HSPA6: variants seen among roughly 807,000 people sequenced by gnomAD.
The protein encoded by HSPA6 is heat shock 70 kDa protein 6.
For synonymous variants in HSPA6, 312 were observed against 368.2 expected (o/e 0.85, Z 1.75); for missense variants, 718 against 860.9 (o/e 0.83, Z 2.08).
In HSPA6 at chr1:161,526,124, G is replaced by C; in HGVS notation, c.1466G>C (p.Ser489Thr). 6.2e-7 allele frequency: 1 copy of C among 1,613,732 alleles called. No individual in the cohort carries two copies. Among genetic ancestry groups the C allele is most frequent in the Non-Finnish European group, 8.5e-7 (1 of 1,179,816 alleles). The change falls in exon 1 of 1, where the codon AGC becomes ACC. Residue 489 changes from serine (S) to threonine (T), a missense_variant. Transcript: ENST00000309758. ...TFDIDANGIL[S>T]VTATDRSTGK... ...GACATTGATGCTAATGGCATCCTGA[G>C]CGTGACAGCCACTGACAGGAGCACA...
Position 161,524,911 on chromosome 1 carries a change from G to A in HSPA6, c.253G>A (p.Val85Met). The part of the protein sequence containing the change: ...LIGRKFADTT[V>M]QSDMKHWPFR... ...CGGGCGCAAGTTCGCGGACACCACG[G>A]TGCAGTCGGACATGAAGCACTGGCC... Residue 85 changes from valine to methionine, a missense_variant, in exon 1 of 1, where the codon GTG (valine) becomes ATG (methionine). By Grantham distance (21) the Val-to-Met change is conservative. Transcript: ENST00000309758. 6.2e-7 allele frequency: 1 copy of A among 1,613,472 alleles called. No homozygotes were observed. The highest frequency in any genetic ancestry group is 1.1e-5 in the South Asian group (1 of 91,040).
Position 161,526,835 on chromosome 1 carries a change from G to C in HSPA6, c.*245G>C, listed in dbSNP as rs966347992. 7 of 414,974 alleles carry C rather than the reference G, an allele frequency of 1.7e-5. No individual in the cohort carries two copies. Among genetic ancestry groups the C allele is most frequent in the African/African-American group, 1.4e-4 (7 of 48,746 alleles). The allele number at this position is 414,974 out of a possible 1,614,324, so 25.7% of individuals were successfully genotyped here. A position where few individuals can be genotyped will look rare whatever the true frequency, so the allele number is the denominator to read the frequency against. On this transcript the variant is annotated 3_prime_UTR_variant, in exon 1 of 1. Transcript: ENST00000309758. ...TTAACATTGCTTTCACCTATATTTT[G>C]TGTACTTTGTTACTTGCATGTATGA...
Position 161,525,168 on chromosome 1 carries a change from C to T in HSPA6, c.510C>T (p.Asn170=). Residue 170 remains asparagine, a synonymous_variant, in exon 1 of 1, where the codon AAC becomes AAT. Coordinates refer to ENST00000309758, the MANE Select transcript of HSPA6 (RefSeq NM_002155.5). ...TKDAGAIAGL[N]VLRIINEPTA... is the part of the protein sequence containing the mutation. ...ACGCGGGGGCCATCGCGGGGCTCAA[C>T]GTGTTGCGGATCATCAATGAGCCCA... 2.5e-6 allele frequency: 4 copies of T among 1,613,564 alleles called. No homozygotes were observed. The highest frequency in any genetic ancestry group is 2.5e-6 in the Non-Finnish European group (3 of 1,179,640).
At position 161,526,396 on chromosome 1, in the gene HSPA6, C is replaced by G. The variant is rs774179752; in HGVS notation, c.1738C>G (p.Leu580Val). Residue 580 changes from leucine (L) to valine (V), a missense_variant, in exon 1 of 1, where the codon CTT becomes GTT. Transcript: ENST00000309758. ...RKMQDKCREV[L>V]AWLEHNQLAE... ...AATGCAAGACAAGTGTCGGGAAGTCCTTGCCTGGCTGGAGCACAACCAGCT... is the reference window on the plus strand; with the variant it reads ...AATGCAAGACAAGTGTCGGGAAGTCGTTGCCTGGCTGGAGCACAACCAGCT... 8 of 1,594,764 alleles carry G rather than the reference C, an allele frequency of 5.0e-6. No individual in the cohort carries two copies. The highest frequency in any genetic ancestry group is 6.8e-6 in the Non-Finnish European group (8 of 1,169,686).
Position 161,526,357 on chromosome 1 carries a change from G to A in HSPA6, c.1699G>A (p.Glu567Lys). The change falls in exon 1 of 1, where the codon GAG becomes AAG. Residue 567 changes from glutamate (E) to lysine (K), a missense_variant. Coordinates refer to ENST00000309758, the MANE Select transcript of HSPA6 (RefSeq NM_002155.5). ...AAGCCTTAGGGACAAGATTCCCGAA[G>A]AGGACAGGCGCAAAATGCAAGACAA... The part of the protein sequence containing the change: ...EESLRDKIPE[E>K]DRRKMQDKCR... 6.2e-7 allele frequency: 1 copy of A among 1,602,800 alleles called. No individual in the cohort carries two copies. Among genetic ancestry groups the A allele is most frequent in the South Asian group, 1.1e-5 (1 of 89,710 alleles).
Position 161,524,978 on chromosome 1 carries a change from T to C in HSPA6, c.320T>C (p.Val107Ala). ...VSEGGKPKVRVCYRGEDKTFY... is the reference protein window; with the variant it reads ...VSEGGKPKVRACYRGEDKTFY... ...GAGGGCGGCAAGCCCAAGGTGCGCG[T>C]ATGCTACCGCGGGGAGGACAAGACG... The change falls in exon 1 of 1, where the codon GTA (valine) becomes GCA (alanine). Residue 107 changes from valine (V) to alanine (A), a missense_variant. Transcript: ENST00000309758. 6.2e-7 allele frequency: 1 copy of C among 1,613,432 alleles called. No homozygotes were observed. The highest frequency in any genetic ancestry group is 8.5e-7 in the Non-Finnish European group (1 of 1,179,912).
At position 161,525,988 on chromosome 1, in the gene HSPA6, G is replaced by A. The variant is rs751586268; in HGVS notation, c.1330G>A (p.Val444Met). ...CAACCAGCCTGGGGTCTTCATCCAG[G>A]TGTATGAGGGTGAGAGGGCCATGAC... Reference protein sequence around the residue: ...SDNQPGVFIQVYEGERAMTKD... With the variant: ...SDNQPGVFIQMYEGERAMTKD... The change falls in exon 1 of 1, where the codon GTG (valine) becomes ATG (methionine). Residue 444 changes from valine to methionine, a missense_variant. Val to Met is a conservative substitution (Grantham distance 21). Coordinates refer to ENST00000309758, the MANE Select transcript of HSPA6 (RefSeq NM_002155.5). The A allele has an allele frequency of 6.2e-7, 1 of 1,613,754 alleles. No homozygotes were observed. The highest frequency in any genetic ancestry group is 2.2e-5 in the East Asian group (1 of 44,886).
Position 161,525,531 on chromosome 1 carries a change from G to T in HSPA6, c.873G>T (p.Glu291Asp), listed in dbSNP as rs1483864625. Residue 291 changes from glutamate to aspartate, a missense_variant, in exon 1 of 1, where the codon GAG (glutamate) becomes GAT (aspartate). Glu to Asp is a conservative substitution (Grantham distance 45, BLOSUM62 2). Transcript: ENST00000309758. Reference sequence around the variant, plus strand: ...CCCTGGAGATAGACTCCCTGTTCGAGGGCGTGGACTTCTACACGTCCATCA... The same window carrying T: ...CCCTGGAGATAGACTCCCTGTTCGATGGCGTGGACTTCTACACGTCCATCA... ...QATLEIDSLFEGVDFYTSITR... is the reference protein window; with the variant it reads ...QATLEIDSLFDGVDFYTSITR... The T allele has an allele frequency of 6.2e-7, 1 of 1,613,628 alleles. No homozygotes were observed. Among genetic ancestry groups the T allele is most frequent in the Non-Finnish European group, 8.5e-7 (1 of 1,179,758 alleles).
rs534600268 is a variant in HSPA6 at position 161,526,072 on chromosome 1, G to A, written c.1414G>A (p.Gly472Arg). The A allele has an allele frequency of 1.2e-6, 2 of 1,613,812 alleles. No homozygotes were observed. The highest frequency in any genetic ancestry group is 2.2e-5 in the East Asian group (1 of 44,878). The part of the protein sequence containing the change: ...ELSGIPPAPR[G>R]VPQIEVTFDI... ...CAGTGGCATCCCTCCTGCCCCACGT[G>A]GAGTCCCCCAGATAGAGGTGACTTT... Residue 472 changes from glycine to arginine, a missense_variant, in exon 1 of 1, where the codon GGA (glycine) becomes AGA (arginine). Gly to Arg is a moderately radical substitution (Grantham distance 125). Coordinates refer to ENST00000309758, the MANE Select transcript of HSPA6 (RefSeq NM_002155.5).
At position 161,524,752 on chromosome 1, in the gene HSPA6, GCCAA is replaced by G. The variant is rs1232573944; in HGVS notation, c.96_99del (p.Asn33ThrfsTer30). ...TCAGCAGGGCCGCGTGGAGATCCTGGCCAACGACCAGGGCAACCGCACCACGCCC... is the reference window on the plus strand; with the variant it reads ...TCAGCAGGGCCGCGTGGAGATCCTGGCGACCAGGGCAACCGCACCACGCCC... On this transcript the variant is annotated frameshift_variant, in exon 1 of 1. Coordinates refer to ENST00000309758, the MANE Select transcript of HSPA6 (RefSeq NM_002155.5). LOFTEE classifies it low-confidence loss of function (END_TRUNC). 2 of 1,522,272 alleles carry G rather than the reference GCCAA, an allele frequency of 1.3e-6. No homozygotes were observed. The highest frequency in any genetic ancestry group is 1.8e-6 in the Non-Finnish European group (2 of 1,119,538). 94.3% of individuals were successfully genotyped at this position (1,522,272 alleles called of 1,614,324 possible).
chr1:161,525,084 G>A lies in HSPA6; in HGVS notation c.426G>A (p.Lys142=), dbSNP rs369720927. The change falls in exon 1 of 1, where the codon AAG becomes AAA. Residue 142 remains lysine, a synonymous_variant. Coordinates refer to ENST00000309758, the MANE Select transcript of HSPA6 (RefSeq NM_002155.5). ...AGGCGTACCTGGGCCAGCCCGTGAA[G>A]CACGCAGTGATCACCGTGCCCGCCT... ...TAEAYLGQPV[K]HAVITVPAYF... 3 of 1,613,408 alleles carry A rather than the reference G, an allele frequency of 1.9e-6. No individual in the cohort carries two copies. In the African/African-American group the frequency reaches 4.0e-5, roughly 22 times the overall value.
rs1416215277 is a variant in HSPA6, at chr1:161,526,363, A to G, written c.1705A>G (p.Arg569Gly). Residue 569 changes from arginine to glycine, a missense_variant, in exon 1 of 1, where the codon AGG (arginine) becomes GGG (glycine). Physicochemically the swap from Arg to Gly is moderately radical, Grantham distance 125. Coordinates refer to ENST00000309758, the MANE Select transcript of HSPA6 (RefSeq NM_002155.5). Reference sequence around the variant, plus strand: ...TAGGGACAAGATTCCCGAAGAGGACAGGCGCAAAATGCAAGACAAGTGTCG... The same window carrying G: ...TAGGGACAAGATTCCCGAAGAGGACGGGCGCAAAATGCAAGACAAGTGTCG... ...SLRDKIPEED[R>G]RKMQDKCREV... The G allele has an allele frequency of 1.2e-6, 2 of 1,602,800 alleles. No homozygotes were observed. Among genetic ancestry groups the G allele is most frequent in the Admixed American group, 1.7e-5 (1 of 58,246 alleles).
Position 161,524,580 on chromosome 1 carries a change from G to A in HSPA6, c.-79G>A, listed in dbSNP as rs561903287. ...TGGCTGCAGAGAAACCGCAGGGAGA[G>A]CCTCACTGCTGAGCGCCCCTCGACG... On this transcript the variant is annotated 5_prime_UTR_variant, in exon 1 of 1. Transcript: ENST00000309758. 3.9e-5 allele frequency: 53 copies of A among 1,350,606 alleles called. No individual in the cohort carries two copies. In the African/African-American group the frequency reaches 6.2e-4, roughly 16 times the overall value. The allele number at this position is 1,350,606 out of a possible 1,614,324, so 83.7% of individuals were successfully genotyped here.
In HSPA6 at chr1:161,526,698, A is replaced by T; in HGVS notation, c.*108A>T. ...AGAGATGAACTTTCCCTCCAAAGCT[A>T]GAACTTTCTTCCCAGGATAACTGAA... On this transcript the variant is annotated 3_prime_UTR_variant, in exon 1 of 1. Transcript: ENST00000309758. 1.6e-6 allele frequency: 2 copies of T among 1,242,106 alleles called. No individual in the cohort carries two copies. The highest frequency in any genetic ancestry group is 2.1e-6 in the Non-Finnish European group (2 of 932,296). 76.9% of individuals were successfully genotyped at this position (1,242,106 alleles called of 1,614,324 possible).
Position 161,524,800 on chromosome 1 carries a change from G to A in HSPA6, c.142G>A (p.Asp48Asn). ...CACGCCCAGCTACGTGGCCTTCACC[G>A]ACACCGAGCGGCTGGTCGGGGACGC... ...RTTPSYVAFT[D>N]TERLVGDAAK... The change falls in exon 1 of 1, where the codon GAC becomes AAC. Residue 48 changes from aspartate to asparagine, a missense_variant. Asp to Asn is a conservative substitution (Grantham distance 23). Transcript: ENST00000309758. 1 of 1,594,104 alleles carries A rather than the reference G, an allele frequency of 6.3e-7. No homozygotes were observed. Among genetic ancestry groups the A allele is most frequent in the Non-Finnish European group, 8.6e-7 (1 of 1,167,734 alleles).
In HSPA6 at chr1:161,525,456, C is replaced by T. The variant is rs766179297; in HGVS notation, c.798C>T (p.Arg266=). 1.2e-6 allele frequency: 2 copies of T among 1,613,014 alleles called. No individual in the cohort carries two copies. The highest frequency in any genetic ancestry group is 1.1e-5 in the South Asian group (1 of 90,940). The change falls in exon 1 of 1, where the codon CGC becomes CGT. Residue 266 remains arginine (R), a synonymous_variant. Transcript: ENST00000309758. ...SGNKRALRRL[R]TACERAKRTL... ...ACAAGCGTGCCCTGCGCAGGCTGCG[C>T]ACAGCCTGTGAGCGCGCCAAGCGCA... is the stretch of plus-strand genomic sequence containing the variant.
chr1:161,525,643 G>A lies in HSPA6; in HGVS notation c.985G>A (p.Asp329Asn). The A allele has an allele frequency of 6.2e-7, 1 of 1,613,916 alleles. No individual in the cohort carries two copies. The highest frequency in any genetic ancestry group is 2.2e-5 in the East Asian group (1 of 44,884). The change falls in exon 1 of 1, where the codon GAC becomes AAC. Residue 329 changes from aspartate to asparagine, a missense_variant. Physicochemically the swap from Asp to Asn is conservative, Grantham distance 23. Coordinates refer to ENST00000309758, the MANE Select transcript of HSPA6 (RefSeq NM_002155.5). ...GAAGGCCCTGCGGGATGCCAAGCTG[G>A]ACAAGGCCCAGATTCATGACGTCGT... ...VEKALRDAKL[D>N]KAQIHDVVLV...
chr1:161,525,205 A>T lies in HSPA6; in HGVS notation c.547A>T (p.Ile183Phe), dbSNP rs777795960. 2 of 1,613,900 alleles carry T rather than the reference A, an allele frequency of 1.2e-6. No individual in the cohort carries two copies. The highest frequency in any genetic ancestry group is 1.7e-6 in the Non-Finnish European group (2 of 1,179,972). The change falls in exon 1 of 1, where the codon ATC becomes TTC. Residue 183 changes from isoleucine to phenylalanine, a missense_variant. Transcript: ENST00000309758. ...CATCAATGAGCCCACGGCAGCTGCC[A>T]TCGCCTATGGGCTGGACCGGCGGGG... ...RIINEPTAAA[I>F]AYGLDRRGAG...
In HSPA6 at chr1:161,525,070, G is replaced by A; in HGVS notation, c.412G>A (p.Gly138Ser). 6 of 1,613,308 alleles carry A rather than the reference G, an allele frequency of 3.7e-6. No homozygotes were observed. Among genetic ancestry groups the A allele is most frequent in the Non-Finnish European group, 4.2e-6 (5 of 1,179,894 alleles). ...GAAGGAGACGGCCGAGGCGTACCTG[G>A]GCCAGCCCGTGAAGCACGCAGTGAT... The part of the protein sequence containing the change: ...KMKETAEAYL[G>S]QPVKHAVITV... The change falls in exon 1 of 1, where the codon GGC (glycine) becomes AGC (serine). Residue 138 changes from glycine (G) to serine (S), a missense_variant. Transcript: ENST00000309758.
Sources: allele counts gnomAD v4.1 joint callset, GRCh38; gene constraint gnomAD v4.1.1; transcripts MANE v1.5; gene names NCBI Gene and HGNC (gene_info 2026-07-23, HGNC 2026-07-21).